The following CTNNA3 variants were observed in gnomAD, a reference collection of about 807,000 sequenced individuals.
CTNNA3 encodes the protein catenin alpha-3.
CTNNA3 carries 76 observed loss-of-function variants against 95.7 expected under a neutral mutation model. The ratio of observed to expected loss-of-function variants is 0.79; its 90% confidence interval spans 0.66 to 0.96. CTNNA3 has a LOEUF of 0.96. Among genes scored for constraint, CTNNA3 ranks in the 40% least tolerant of loss-of-function variants. The probability of loss-of-function intolerance (pLI) is 0.00; values close to 1 mark genes in which losing one functional copy is unlikely to be tolerated. For synonymous variants in CTNNA3, 431 were observed against 374.4 expected (o/e 1.15, Z -1.74); for missense variants, 1,191 against 1,089.8 (o/e 1.09, Z -1.31).
At chr10:66,766,213 G>A (rs1275779943) in intron 9 of CTNNA3, 51 bp downstream of exon 9, 1 of 1,569,412 alleles carries the variant, frequency 6.4e-7, no homozygotes, top group Non-Finnish European at 8.7e-7. Context: ...AATGGAGAAT[G>A]GGAGCCTCAT....
chr10:67,564,862 A>G (rs1841698727), intron 3 of CTNNA3, among the ~76,000 whole-genome samples: 1 of 112,292 alleles, frequency 8.9e-6, no homozygotes, highest in Non-Finnish European at 1.6e-5. Flanking sequence ...ATTTGAGAAA[A>G]TACAGTATCC....
intron 5 of CTNNA3, among the ~76,000 whole-genome samples, chr10:67,300,775 G>A (rs1840233801): frequency 6.6e-6 from 1 of 152,108 alleles, no homozygotes; most frequent in Non-Finnish European, 1.5e-5. Flanking sequence ...ACAGACTGGT[G>A]GGGTCTTGAC....
intron 7 of CTNNA3, among the ~76,000 whole-genome samples, chr10:67,091,589 A>C (rs1042855798): frequency 2.6e-5 from 4 of 152,114 alleles, no homozygotes; most frequent in Non-Finnish European, 5.9e-5. Flanking sequence ...GGATAAATTT[A>C]TAAATGCCCA....
In CTNNA3 at chr10:66,763,057, G is replaced by T. The variant is rs147377382; in HGVS notation, c.1281+3207C>A. On this transcript the variant is annotated intron_variant, in intron 9 of 17. Coordinates refer to ENST00000433211, the MANE Select transcript of CTNNA3 (RefSeq NM_013266.4). ...ATAAGATGAGTGTATGTGCATGTCT[G>T]TGGGGTGGGGTGGTAGGGAGCAAGG... Among the ~76,000 whole-genome samples the T allele has an allele frequency of 1.5e-3, 221 of 152,134 alleles. 4 individuals carry two copies. In the East Asian group the frequency reaches 0.035, roughly 24 times the overall value.
chr10:66,446,718 A>G (rs2093424798), intron 11 of CTNNA3, among the ~76,000 whole-genome samples: 1 of 152,192 alleles, frequency 6.6e-6, no homozygotes, highest in South Asian at 2.1e-4. Flanking sequence ...AGCCAATATC[A>G]TACTGAATGG....
At chr10:66,261,520 G>C (rs746461851) in intron 13 of CTNNA3, among the ~76,000 whole-genome samples, 15 of 151,904 alleles carry the variant, frequency 9.9e-5, no homozygotes, top group Non-Finnish European at 1.6e-4. Context: ...TGTTTTGCTT[G>C]TCTTTCTGTT....
chr10:67,343,271 T>A (rs1040200482), intron 5 of CTNNA3, among the ~76,000 whole-genome samples: 6 of 152,154 alleles, frequency 3.9e-5, no homozygotes, highest in Non-Finnish European at 7.4e-5. Context: ...TTAGGATAGT[T>A]TTTTTCTATT....
intron 1 of CTNNA3, among the ~76,000 whole-genome samples, chr10:67,648,247 G>A (rs1228586679): frequency 6.6e-6 from 1 of 152,098 alleles, no homozygotes. Flanking sequence ...TATACCAAAT[G>A]ACCATATGTG....
chr10:66,569,061 C>A (rs1196140619), intron 10 of CTNNA3, among the ~76,000 whole-genome samples: 2 of 151,940 alleles, frequency 1.3e-5, no homozygotes, highest in Admixed American at 1.3e-4. Context: ...CAGGAAGAAG[C>A]TAGAGAATAA....
chr10:66,697,028 G>A (rs1056447879), intron 9 of CTNNA3, among the ~76,000 whole-genome samples: 1 of 151,856 alleles, frequency 6.6e-6, no homozygotes, highest in Non-Finnish European at 1.5e-5. Context: ...ATTTTTGAAC[G>A]CTCTATCTCC....
intron 1 of CTNNA3, among the ~76,000 whole-genome samples, chr10:67,726,685 T>C (rs1230444629): frequency 0.011 from 5 of 454 alleles, no homozygotes; most frequent in African/African-American, 0.023. Context: ...ATATAATATA[T>C]GATGTATTAT....
chr10:66,108,087 A>G (rs750035230), intron 13 of CTNNA3, among the ~76,000 whole-genome samples: 1 of 152,116 alleles, frequency 6.6e-6, no homozygotes, highest in Non-Finnish European at 1.5e-5. Context: ...CACATGTTCA[A>G]TGATTTCATT....
intron 13 of CTNNA3, among the ~76,000 whole-genome samples, chr10:66,190,640 T>C (rs1021127673): frequency 1.3e-5 from 2 of 152,142 alleles, no homozygotes; most frequent in African/African-American, 4.8e-5. Context: ...ATCTGTTCTG[T>C]CTTTCCTTGT....
At chr10:66,071,233 T>C (rs2080427676) in intron 14 of CTNNA3, among the ~76,000 whole-genome samples, 1 of 152,202 alleles carries the variant, frequency 6.6e-6, no homozygotes, top group South Asian at 2.1e-4. Flanking sequence ...CTCTGATATA[T>C]ATCGCCAGGT....
chr10:66,362,601 T>C (rs930970442), intron 12 of CTNNA3, among the ~76,000 whole-genome samples: 2 of 151,834 alleles, frequency 1.3e-5, no homozygotes, highest in Non-Finnish European at 2.9e-5. Context: ...TAGTCCCAGA[T>C]ACTCGGGAGG....
intron 9 of CTNNA3, among the ~76,000 whole-genome samples, chr10:66,642,279 AACACACACACACAC>A (rs377158480): frequency 1.6e-5 from 1 of 61,338 alleles, no homozygotes; most frequent in Non-Finnish European, 3.6e-5. Context: ...CACACACACA[AACACACACACACAC>A]ACACACACAC....
chr10:66,103,159 T>A lies in CTNNA3; in HGVS notation c.1975A>T (p.Arg659Trp), dbSNP rs1340338960. The A allele has an allele frequency of 6.2e-7, 1 of 1,612,542 alleles. No homozygotes were observed. The highest frequency in any genetic ancestry group is 1.3e-5 in the African/African-American group (1 of 74,896). ...TSIQTEGKTDRAKMTQLPEAE... is the reference protein window; with the variant it reads ...TSIQTEGKTDWAKMTQLPEAE... ...TCCCACCAGTTGAAGTGACATACCC[T>A]ATCAGTTTTCCCTTCGGTCTGAATG... The change falls in exon 14 of 18, where the codon AGG (arginine) becomes TGG (tryptophan). Residue 659 changes from arginine (R) to tryptophan (W), a missense_variant and splice_region_variant. Coordinates refer to ENST00000433211, the MANE Select transcript of CTNNA3 (RefSeq NM_013266.4).
At chr10:66,004,989 G>A (rs901074785) in intron 15 of CTNNA3, among the ~76,000 whole-genome samples, 1 of 152,216 alleles carries the variant, frequency 6.6e-6, no homozygotes, top group African/African-American at 2.4e-5. Context: ...GAAGGTGTCA[G>A]CAGGGCTGGT....
intron 11 of CTNNA3, among the ~76,000 whole-genome samples, chr10:66,518,542 T>A (rs1057413063): frequency 1.3e-5 from 2 of 152,056 alleles, no homozygotes; most frequent in Non-Finnish European, 2.9e-5. Context: ...AGATAGCAAA[T>A]AGACAAAAAT....
Sources: allele counts gnomAD v4.1 joint callset (sites outside exome capture counted in the v4.1 genomes callset), GRCh38; gene constraint gnomAD v4.1.1; transcripts MANE v1.5; gene names NCBI Gene and HGNC (gene_info 2026-07-23, HGNC 2026-07-21).